The following C13orf42 variants were observed in gnomAD, a reference collection of about 807,000 sequenced individuals.
C13orf42 encodes chromosome 13 open reading frame 42.
chr13:51,090,746 C>T (rs913802861), intron 1 of C13orf42, among the ~76,000 whole-genome samples: 36 of 152,160 alleles, frequency 2.4e-4, no homozygotes, highest in Admixed American at 6.5e-5. Flanking sequence ...GGAAAAGAGT[C>T]AATGTTGGTG....
At chr13:51,132,160 C>T (rs532656597) in intron 1 of C13orf42, among the ~76,000 whole-genome samples, 4 of 152,248 alleles carry the variant, frequency 2.6e-5, no homozygotes, top group East Asian at 1.9e-4. Flanking sequence ...GCAGGATAAG[C>T]GGCCGGGCGC....
upstream of C13orf42, among the ~76,000 whole-genome samples, chr13:51,114,654 ACAGACAGACAG>A (rs1345894820): frequency 1.6e-5 from 1 of 61,452 alleles, no homozygotes; most frequent in African/African-American, 7.4e-5. Flanking sequence ...ATAGAGATAG[ACAGACAGACAG>A]ACAGACAGAC....
At chr13:51,170,426 G>T (rs55706293) in intron 1 of C13orf42, among the ~76,000 whole-genome samples, 34 of 152,230 alleles carry the variant, frequency 2.2e-4, no homozygotes, top group African/African-American at 8.2e-4. Context: ...TCCTCAGACC[G>T]ACCGGCCCAA....
intron 1 of C13orf42, among the ~76,000 whole-genome samples, chr13:51,144,624 C>G (rs1398486413): frequency 6.6e-6 from 1 of 152,202 alleles, no homozygotes; most frequent in Non-Finnish European, 1.5e-5. Context: ...CAATAAAGCC[C>G]TTGGAAAAAC....
rs188718702 is a variant in C13orf42 at position 51,089,780 on chromosome 13, A to G, written c.415-1705T>C. 5.1e-4 allele frequency among the ~76,000 whole-genome samples: 77 copies of G among 151,466 alleles called. 1 individual carries two copies. The highest frequency in any genetic ancestry group is 8.5e-4 in the Non-Finnish European group (58 of 67,858). ...GCTTTTGGAAATCTCTCTTCCACAG[A>G]TGGCCTTTCTCTTTTAAAATGAAAC... On this transcript the variant is annotated intron_variant, in intron 1 of 3. Transcript: ENST00000563710.
At chr13:51,128,652 C>A (rs748431266) in intron 1 of C13orf42, among the ~76,000 whole-genome samples, 11 of 152,184 alleles carry the variant, frequency 7.2e-5, no homozygotes, top group Admixed American at 2.0e-4. Context: ...TCAGTAAAGT[C>A]CCTCTCGGCT....
At chr13:51,095,676 T>C (rs1410834016) in intron 1 of C13orf42, among the ~76,000 whole-genome samples, 1 of 152,170 alleles carries the variant, frequency 6.6e-6, no homozygotes, top group Non-Finnish European at 1.5e-5. Flanking sequence ...CTCTGTTCTG[T>C]GCTGCTCATT....
intron 1 of C13orf42, among the ~76,000 whole-genome samples, chr13:51,171,080 C>G (rs926682330): frequency 6.6e-6 from 1 of 152,052 alleles, no homozygotes; most frequent in African/African-American, 2.4e-5. Context: ...CCCCCCAACC[C>G]TTCTCCGTGT....
chr13:51,144,846 C>A (rs372836134), intron 1 of C13orf42, among the ~76,000 whole-genome samples: 35 of 152,298 alleles, frequency 2.3e-4, no homozygotes, highest in Middle Eastern at 3.4e-3. Flanking sequence ...TCCTATGGAA[C>A]AAAGTCCCAT....
At chr13:51,096,592 A>C (rs1953236905) in intron 1 of C13orf42, among the ~76,000 whole-genome samples, 1 of 152,214 alleles carries the variant, frequency 6.6e-6, no homozygotes, top group African/African-American at 2.4e-5. Flanking sequence ...ATCATTTCAA[A>C]ATAGTAACTT....
intron 1 of C13orf42, among the ~76,000 whole-genome samples, chr13:51,169,563 C>A (rs9535594): frequency 0.25 from 38,611 of 152,104 alleles, 4,945 homozygotes; most frequent in African/African-American, 0.28. Context: ...CCCTCCCATC[C>A]CAGGCCTGGA....
At chr13:51,112,325 T>C (rs1436243500), upstream of C13orf42, among the ~76,000 whole-genome samples, 3 of 152,160 alleles carry the variant, frequency 2.0e-5, no homozygotes, top group Non-Finnish European at 2.9e-5. Context: ...TGTATTAGCA[T>C]GGTTTATTTT....
At chr13:51,139,814 A>C (rs1953683601) in intron 1 of C13orf42, among the ~76,000 whole-genome samples, 1 of 152,176 alleles carries the variant, frequency 6.6e-6, no homozygotes, top group Non-Finnish European at 1.5e-5. Flanking sequence ...CACCATAAAA[A>C]TGAGCAACCA....
upstream of C13orf42, among the ~76,000 whole-genome samples, chr13:51,113,583 TG>T (rs752080314): frequency 0.034 from 5,225 of 152,186 alleles, 87 homozygotes; most frequent in East Asian, 0.046. Flanking sequence ...TGTGTGTGTG[TG>T]TGTGTGTGTA....
chr13:51,161,448 C>T (rs1953863617), intron 1 of C13orf42, among the ~76,000 whole-genome samples: 2 of 152,034 alleles, frequency 1.3e-5, no homozygotes, highest in Admixed American at 1.3e-4. Context: ...ACTATGAGTG[C>T]CCTTTCATAC....
chr13:51,148,784 G>A (rs540265258), intron 1 of C13orf42, among the ~76,000 whole-genome samples: 1 of 152,338 alleles, frequency 6.6e-6, no homozygotes, highest in Non-Finnish European at 1.5e-5. Context: ...AGGGCTCTTT[G>A]AGGGTACCCT....
At chr13:51,092,907 C>G (rs1953195423) in intron 1 of C13orf42, among the ~76,000 whole-genome samples, 1 of 152,016 alleles carries the variant, frequency 6.6e-6, no homozygotes, top group African/African-American at 2.4e-5. Context: ...CATTTTTGTT[C>G]CTCTATCAAC....
chr13:51,122,608 A>C (rs141565956), intron 1 of C13orf42, among the ~76,000 whole-genome samples: 19 of 152,286 alleles, frequency 1.2e-4, no homozygotes, highest in African/African-American at 4.6e-4. Flanking sequence ...AAGCTTAAAA[A>C]ATTTTTTTAA....
At chr13:51,112,257 A>G (rs1027897926), upstream of C13orf42, among the ~76,000 whole-genome samples, 1 of 152,160 alleles carries the variant, frequency 6.6e-6, no homozygotes, top group Non-Finnish European at 1.5e-5. Flanking sequence ...TTCTTAAGCT[A>G]TGAGCTAAGA....
Sources: allele counts gnomAD v4.1 joint callset (sites outside exome capture counted in the v4.1 genomes callset), GRCh38; gene constraint gnomAD v4.1.1; transcripts MANE v1.5; gene names NCBI Gene and HGNC (gene_info 2026-07-23, HGNC 2026-07-21).